TMEM235: variants seen among roughly 807,000 people sequenced by gnomAD.
TMEM235 encodes the protein claudin-27.
Under a neutral mutation model 22.9 loss-of-function variants are expected in TMEM235, and 23 were observed. That is an observed-to-expected ratio of 1.00 (90% CI 0.72 to 1.42). The LOEUF (loss-of-function observed/expected upper bound fraction) is 1.42. Ranked by LOEUF, TMEM235 falls within the 40% of genes most tolerant of loss-of-function variation. The pLI, the probability that TMEM235 is intolerant of heterozygous loss-of-function variation, is 0.00. For missense variants in TMEM235, 308 were observed against 299.5 expected, an observed-to-expected ratio of 1.03 and a Z score of -0.21; for synonymous variants, 137 against 140.5, an observed-to-expected ratio of 0.98 and a Z score of 0.17.
exon 5 of TMEM235, chr17:78,239,263 G>A (rs1164437101): frequency 6.5e-7 from 1 of 1,540,390 alleles, no homozygotes; most frequent in African/African-American, 1.4e-5. Flanking sequence ...TCCCCAGCAG[G>A]TGGGAGGGAG....
Position 78,234,790 on chromosome 17 carries a change from G to A in TMEM235, c.409+60G>A. The A allele has an allele frequency of 3.9e-6, 6 of 1,529,718 alleles. No homozygotes were observed. The South Asian group carries it at 4.8e-5, about 12-fold the overall frequency. The allele number at this position is 1,529,718 out of a possible 1,614,324, so 94.8% of individuals were successfully genotyped here. On this transcript the variant is annotated intron_variant, in intron 4 of 5. Coordinates refer to ENST00000421688, the Ensembl canonical transcript of TMEM235. ...ATGGGAGCTGGGCCACAGGTCCCGG[G>A]AGTGGGGTGCTGCCTCTCCTGTTGC...
At chr17:78,232,184 C>T in exon 2 of TMEM235, 1 of 1,493,136 alleles carries the variant, frequency 6.7e-7, no homozygotes, top group Non-Finnish European at 8.9e-7. Context: ...CTGCTCTCCT[C>T]GCACTCGGGG....
At chr17:78,234,335 C>G (rs1567873487) in intron 3 of TMEM235, 1 of 703,988 alleles carries the variant, frequency 1.4e-6, no homozygotes, top group Non-Finnish European at 2.6e-6. Flanking sequence ...TGGCTGGCAC[C>G]TTCCACCTGG....
At chr17:78,234,656 T>C (rs1179896711) in exon 4 of TMEM235, 8 of 1,536,048 alleles carry the variant, frequency 5.2e-6, no homozygotes, top group Middle Eastern at 1.7e-4. Context: ...TGTGGCTGGA[T>C]CTGCGGCCTG....
exon 6 of TMEM235, chr17:78,239,845 C>A: frequency 2.6e-6 from 4 of 1,551,524 alleles, no homozygotes; most frequent in Non-Finnish European, 3.5e-6. Context: ...AGAGAGATGC[C>A]GTCTCAGGCC....
In TMEM235 at chr17:78,234,706, A is replaced by G. The variant is rs1341846289; in HGVS notation, c.385A>G (p.Thr129Ala). 1.1e-5 allele frequency: 17 copies of G among 1,535,844 alleles called. 1 individual carries two copies. The Admixed American group carries it at 3.3e-4, about 30-fold the overall frequency. ...CCAGAGCGTGTCTCTGCTGCTTTTC[A>G]CCGGCTGCTACTTCCTGCTGGGGAG... Residue 129 changes from threonine (T) to alanine (A), a missense_variant, in exon 4 of 6, where the codon ACC becomes GCC. Physicochemically the swap from Thr to Ala is moderately conservative, Grantham distance 58. Around this residue, in one of 2 missense-constraint regions of TMEM235, gnomAD observed 285 missense variants for 256.2 expected, o/e 1.11. Coordinates refer to ENST00000421688, the Ensembl canonical transcript of TMEM235.
intron 4 of TMEM235, among the ~76,000 whole-genome samples, chr17:78,235,546 C>G (rs142964221): frequency 0.011 from 1,724 of 150,952 alleles, 39 homozygotes; most frequent in African/African-American, 0.04. Flanking sequence ...CTCAGCCTCC[C>G]TAAGTGCTGG....
intron 5 of TMEM235, 39 bp downstream of exon 4, chr17:78,239,312 T>C (rs1438905413): frequency 5.3e-6 from 8 of 1,521,622 alleles, no homozygotes; most frequent in Non-Finnish European, 7.0e-6. Flanking sequence ...CCTCCCGGGA[T>C]TGGGCGGTCA....
chr17:78,232,153 G>T lies in TMEM235; in HGVS notation c.130G>T (p.Ala44Ser), dbSNP rs1230591611. The T allele has an allele frequency of 1.3e-6, 2 of 1,487,276 alleles. No homozygotes were observed. Among genetic ancestry groups the T allele is most frequent in the African/African-American group, 1.5e-5 (1 of 68,762 alleles). The allele number at this position is 1,487,276 out of a possible 1,614,324, so 92.1% of individuals were successfully genotyped here. The change falls in exon 2 of 6, where the codon GCC becomes TCC. Residue 44 changes from alanine (A) to serine (S), a missense_variant. Transcript: ENST00000421688. ...GGTGGCGGACGCCGGCAATGGCAGC[G>T]CCTGGCCCGGGCGCGCAGAGCTGCT...
At chr17:78,233,766 C>A in intron 2 of TMEM235, 129 bp from the exon 2 acceptor site, 1 of 706,678 alleles carries the variant, frequency 1.4e-6, no homozygotes, top group Non-Finnish European at 2.4e-6. Context: ...ACTTGGAGTC[C>A]CAGCCCTGAG....
chr17:78,236,233 C>CG (rs905058042), intron 4 of TMEM235, among the ~76,000 whole-genome samples: 8 of 152,166 alleles, frequency 5.3e-5, no homozygotes, highest in South Asian at 4.2e-4. Flanking sequence ...TCAGATCATG[C>CG]GGGGGGGCCT....
exon 2 of TMEM235, chr17:78,232,074 C>A: frequency 6.9e-7 from 1 of 1,454,186 alleles, no homozygotes; most frequent in South Asian, 1.4e-5. Flanking sequence ...GTGCACTGCT[C>A]AGCTTCGCGC....
chr17:78,239,958 G>T (rs532980563), exon 6 of TMEM235: 35 of 1,548,736 alleles, frequency 2.3e-5, no homozygotes, highest in Middle Eastern at 1.7e-4. Flanking sequence ...TTGCAGGGGT[G>T]GGGGGCAAGG....
exon 5 of TMEM235, chr17:78,239,042 G>A: frequency 6.5e-7 from 1 of 1,541,572 alleles, no homozygotes; most frequent in Non-Finnish European, 8.7e-7. Flanking sequence ...ACACTGGCGG[G>A]GGTCAGCATC....
rs531551956 is a variant in TMEM235 at position 78,237,440 on chromosome 17, G to A, written c.410-1584G>A. ...AGGCCTCCTTTAGGAGGTCTGCCAG[G>A]AGCTGAGCCTGGGCCCCATCACCAG... On this transcript the variant is annotated intron_variant, in intron 4 of 5. Transcript: ENST00000421688. The surrounding 1 kb of genome is among the most constrained non-coding windows in gnomAD (Gnocchi z 4.7). Among the ~76,000 whole-genome samples, 3 of 152,312 alleles carry A rather than the reference G, an allele frequency of 2.0e-5. No individual in the cohort carries two copies. The highest frequency in any genetic ancestry group is 7.2e-5 in the African/African-American group (3 of 41,564).
At chr17:78,233,935 T>A in exon 3 of TMEM235, 1 of 1,535,470 alleles carries the variant, frequency 6.5e-7, no homozygotes, top group South Asian at 1.2e-5. Context: ...CTTTTGCCAG[T>A]GAGAGCCTGG....
exon 5 of TMEM235, chr17:78,239,215 A>C (rs574972943): frequency 6.5e-7 from 1 of 1,543,206 alleles, no homozygotes; most frequent in East Asian, 2.4e-5. Flanking sequence ...AGCTGCCTGG[A>C]CCCTCAGCCT....
At chr17:78,233,760 G>C (rs1028217462) in intron 2 of TMEM235, 135 bp from the exon 2 acceptor site, 3 of 663,410 alleles carry the variant, frequency 4.5e-6, no homozygotes, top group Non-Finnish European at 7.7e-6. Context: ...CATCCCACTT[G>C]GAGTCCCAGC....
intron 3 of TMEM235, 59 bp from the exon 3 acceptor site, chr17:78,234,534 G>T: frequency 6.5e-7 from 1 of 1,530,652 alleles, no homozygotes; most frequent in East Asian, 2.5e-5. Context: ...TCCTCCGGCA[G>T]ACAAGTGCTG....
Sources: gnomAD v4.1 joint callset for allele counts (sites outside exome capture counted in the v4.1 genomes callset) on GRCh38, gnomAD v4.1.1 for gene constraint, gnomAD v4.1.1 regional missense constraint, Gnocchi (gnomAD v3.1) non-coding constraint, MANE v1.5 for transcripts, NCBI Gene and HGNC (gene_info 2026-07-23, HGNC 2026-07-21) for gene names.